Variants in PALM2AKAP2 observed in about 807,000 individuals in gnomAD.
The protein encoded by PALM2AKAP2 is PALM2 and AKAP2 fusion, also known as PALM2-AKAP2 fusion protein.
In PALM2AKAP2, 37 loss-of-function variants were observed where a neutral mutation model predicts 71.5. The observed-to-expected ratio is 0.52, with a 90% CI of 0.40 to 0.68. The LOEUF (loss-of-function observed/expected upper bound fraction) is 0.68, where lower values mean the gene tolerates loss of function less well. Among genes scored for constraint, PALM2AKAP2 ranks in the 30% least tolerant of loss-of-function variants. PALM2AKAP2 has a pLI of 0.00. For missense variants in PALM2AKAP2, 1,224 were observed against 1,191.8 expected, an observed-to-expected ratio of 1.03 and a Z score of -0.40; for synonymous variants, 468 against 478.8, an observed-to-expected ratio of 0.98 and a Z score of 0.29.
At chr9:109,846,173 C>G (rs1293316325) in intron 1 of PALM2AKAP2, among the ~76,000 whole-genome samples, 2 of 151,090 alleles carry the variant, frequency 1.3e-5, no homozygotes, top group African/African-American at 4.9e-5. Context: ...CTTCTCTGTC[C>G]CCCGAGTTCT....
At chr9:109,688,933 C>T (rs981750838) in intron 1 of PALM2AKAP2, among the ~76,000 whole-genome samples, 2 of 152,076 alleles carry the variant, frequency 1.3e-5, no homozygotes. Flanking sequence ...CTGCAATAAT[C>T]GATTATGTGA....
At chr9:109,799,627 G>A (rs1264638087) in intron 1 of PALM2AKAP2, among the ~76,000 whole-genome samples, 1 of 152,134 alleles carries the variant, frequency 6.6e-6, no homozygotes, top group African/African-American at 2.4e-5. Context: ...TCATGTAGCT[G>A]AGACTGTAGG....
chr9:109,789,936 T>A (rs1355328155), intron 1 of PALM2AKAP2, among the ~76,000 whole-genome samples: 1 of 152,214 alleles, frequency 6.6e-6, no homozygotes, highest in Non-Finnish European at 1.5e-5. Flanking sequence ...GAGACAAGAC[T>A]ACACCCTATT....
intron 1 of PALM2AKAP2, among the ~76,000 whole-genome samples, chr9:110,126,197 G>A (rs1194847422): frequency 2.0e-5 from 3 of 152,186 alleles, no homozygotes; most frequent in African/African-American, 7.2e-5. Context: ...TCTGTAGACA[G>A]AGGGTTAACC....
At chr9:109,995,184 A>G (rs1341041488) in intron 6 of PALM2AKAP2, among the ~76,000 whole-genome samples, 3 of 152,104 alleles carry the variant, frequency 2.0e-5, no homozygotes. Context: ...ACTGGAGAGG[A>G]AGCTCTGGCA....
chr9:109,643,452 G>A lies in PALM2AKAP2; in HGVS notation c.5+2586G>A, dbSNP rs368971475. Among the ~76,000 whole-genome samples the A allele has an allele frequency of 5.1e-4, 77 of 152,314 alleles. 3 individuals carry two copies. The South Asian group carries it at 0.016, about 31-fold the overall frequency. Reference sequence around the variant, plus strand: ...TGTTTCTCCCAGACTTAGCACTTGGGTGCTCAATAACTGGAACAGCACACA... The same window carrying A: ...TGTTTCTCCCAGACTTAGCACTTGGATGCTCAATAACTGGAACAGCACACA... On this transcript the variant is annotated intron_variant, in intron 1 of 6. Transcript: ENST00000374531.
chr9:109,995,668 G>A (rs116175981), intron 6 of PALM2AKAP2, among the ~76,000 whole-genome samples: 40 of 152,238 alleles, frequency 2.6e-4, no homozygotes, highest in African/African-American at 8.9e-4. Context: ...CATGCAAACA[G>A]CATGAGGAAG....
At chr9:109,806,170 CTA>C (rs2131418509) in intron 1 of PALM2AKAP2, among the ~76,000 whole-genome samples, 1 of 152,306 alleles carries the variant, frequency 6.6e-6, no homozygotes, top group East Asian at 1.9e-4. Context: ...GGTATAAGTT[CTA>C]TCTTTGACAT....
chr9:110,097,119 C>A (rs1481018525), intron 1 of PALM2AKAP2, among the ~76,000 whole-genome samples: 2 of 149,812 alleles, frequency 1.3e-5, no homozygotes, highest in Non-Finnish European at 3.0e-5. Context: ...GTGTTTGTGT[C>A]CCTGGGTACT....
rs1564345248 is a variant in PALM2AKAP2, at chr9:110,168,389, C to G, written c.2749-10C>G. 2 of 1,611,496 alleles carry G rather than the reference C, an allele frequency of 1.2e-6. No homozygotes were observed. Among genetic ancestry groups the G allele is most frequent in the East Asian group, 2.2e-5 (1 of 44,874 alleles). ...TGAACTCTGCATAATTTTTTCCCCT[C>G]TCTTTACAGGTCCTCGAGGCCACAC... On this transcript the variant is annotated splice_polypyrimidine_tract_variant and intron_variant, in intron 3 of 3. Coordinates refer to ENST00000374525, the Ensembl canonical transcript of PALM2AKAP2.
At chr9:110,164,358 A>G (rs1201574416) in intron 3 of PALM2AKAP2, among the ~76,000 whole-genome samples, 1 of 152,124 alleles carries the variant, frequency 6.6e-6, no homozygotes, top group Non-Finnish European at 1.5e-5. Flanking sequence ...CCAAATTAAA[A>G]TTTTCTATAT....
chr9:110,137,186 G>A (rs1835902180), exon 2 of PALM2AKAP2: 10 of 1,614,006 alleles, frequency 6.2e-6, no homozygotes, highest in Non-Finnish European at 7.6e-6. Context: ...GGAGGACATT[G>A]TCACAGAGCA....
At chr9:110,016,682 C>T (rs768364891) in intron 7 of PALM2AKAP2, among the ~76,000 whole-genome samples, 3 of 152,198 alleles carry the variant, frequency 2.0e-5, no homozygotes, top group Non-Finnish European at 4.4e-5. Flanking sequence ...CACCATTTCC[C>T]CTCTGTTACG....
In PALM2AKAP2 at chr9:110,104,894, A is replaced by C. The variant is rs1474336484; in HGVS notation, c.157-31233A>C. On this transcript the variant is annotated intron_variant, in intron 1 of 3. Coordinates refer to ENST00000374525, the Ensembl canonical transcript of PALM2AKAP2. ...GGAGTTACAGAAACACAAAATGGTA[A>C]CAGGTGTGTCATATGCATCCAGAGA... Among the ~76,000 whole-genome samples the C allele has an allele frequency of 3.3e-5, 5 of 152,242 alleles. No individual in the cohort carries two copies. In the East Asian group the frequency reaches 9.6e-4, roughly 29 times the overall value.
At chr9:109,996,534 T>C (rs570850599) in intron 6 of PALM2AKAP2, among the ~76,000 whole-genome samples, 1 of 152,362 alleles carries the variant, frequency 6.6e-6, no homozygotes, top group South Asian at 2.1e-4. Flanking sequence ...TTAAACAATG[T>C]ACCATGATCC....
intron 1 of PALM2AKAP2, among the ~76,000 whole-genome samples, chr9:109,752,177 C>T (rs546131877): frequency 2.6e-5 from 4 of 151,940 alleles, no homozygotes; most frequent in South Asian, 4.2e-4. Flanking sequence ...ACTTATATGG[C>T]GAGAAACACA....
chr9:109,844,931 A>ATGTGTGTG (rs71373945), intron 1 of PALM2AKAP2, among the ~76,000 whole-genome samples: 5,425 of 149,330 alleles, frequency 0.036, 206 homozygotes, highest in East Asian at 0.12. Context: ...CCAGAAAATG[A>ATGTGTGTG]TGTGTGTGTG....
chr9:110,113,262 T>C (rs2479195), intron 1 of PALM2AKAP2, among the ~76,000 whole-genome samples: 117,241 of 147,502 alleles, frequency 0.79, 46,759 homozygotes, highest in East Asian at 0.97. Context: ...TTTTTTGAGA[T>C]GGAATCTCAC....
chr9:110,025,862 T>C (rs1357074980), intron 7 of PALM2AKAP2, among the ~76,000 whole-genome samples: 1 of 152,196 alleles, frequency 6.6e-6, no homozygotes, highest in Non-Finnish European at 1.5e-5. Flanking sequence ...ATTTCCTTTT[T>C]TGCCATAGTT....
Sources: gnomAD v4.1 joint callset for allele counts (sites outside exome capture counted in the v4.1 genomes callset) on GRCh38, gnomAD v4.1.1 for gene constraint, MANE v1.5 for transcripts, NCBI Gene and HGNC (gene_info 2026-07-23, HGNC 2026-07-21) for gene names.